Variants in ROR1 observed in about 807,000 individuals in gnomAD.
ROR1 encodes ROR family WNT receptor 1.
In ROR1, 19 loss-of-function variants were observed where a neutral mutation model predicts 78.8. The ratio of observed to expected loss-of-function variants is 0.24; its 90% CI spans 0.17 to 0.35. The LOEUF is 0.35. Among genes scored for constraint, ROR1 ranks in the 10% least tolerant of loss-of-function variants. The probability of loss-of-function intolerance (pLI) is 1.00; values close to 1 mark genes in which losing one functional copy is unlikely to be tolerated. For missense variants in ROR1, 917 were observed against 1,177.8 expected (o/e 0.78, Z 3.24); for synonymous variants, 386 against 433.6 (o/e 0.89, Z 1.36).
intron 7 of ROR1, among the ~76,000 whole-genome samples, chr1:64,154,507 A>G (rs889097894): frequency 2.6e-5 from 4 of 152,204 alleles, no homozygotes; most frequent in Non-Finnish European, 5.9e-5. Context: ...ACTCAAAGTA[A>G]TATCCCAGAT....
At chr1:63,882,845 A>T (rs1485713168) in intron 1 of ROR1, among the ~76,000 whole-genome samples, 1 of 152,064 alleles carries the variant, frequency 6.6e-6, no homozygotes, top group Non-Finnish European at 1.5e-5. Flanking sequence ...ATTAGCTGGC[A>T]TGAGTCCAGA....
intron 1 of ROR1, among the ~76,000 whole-genome samples, chr1:63,937,072 G>A (rs1483602685): frequency 6.6e-6 from 1 of 152,188 alleles, no homozygotes; most frequent in Non-Finnish European, 1.5e-5. Flanking sequence ...ATATCAATTA[G>A]GAGATGTCTG....
intron 1 of ROR1, among the ~76,000 whole-genome samples, chr1:63,829,784 A>C (rs965986660): frequency 6.6e-6 from 1 of 152,068 alleles, no homozygotes; most frequent in African/African-American, 2.4e-5. Context: ...GACAGTGTGG[A>C]GCCATGGAAG....
At chr1:64,084,858 G>T (rs1647138473) in intron 4 of ROR1, among the ~76,000 whole-genome samples, 1 of 152,214 alleles carries the variant, frequency 6.6e-6, no homozygotes, top group Non-Finnish European at 1.5e-5. Context: ...GGGCTGTGCA[G>T]GTGTGTGCTA....
intron 1 of ROR1, among the ~76,000 whole-genome samples, chr1:64,005,614 G>T (rs536002178): frequency 7.1e-4 from 108 of 152,268 alleles, no homozygotes; most frequent in Non-Finnish European, 1.4e-3. Flanking sequence ...TGAAGCCACT[G>T]GTGGCCATGG....
rs1214230059 is a variant in ROR1, at chr1:64,089,026, A to T, written c.482+38310A>T. 2.0e-5 allele frequency among the ~76,000 whole-genome samples: 3 copies of T among 151,864 alleles called. No individual in the cohort carries two copies. The East Asian group carries it at 5.8e-4, about 29-fold the overall frequency. ...ACTATACTTTAAATAATAAAAATATATTTTCATTGTTATTAAATATTATTA... is the reference window on the plus strand; with the variant it reads ...ACTATACTTTAAATAATAAAAATATTTTTTCATTGTTATTAAATATTATTA... On this transcript the variant is annotated intron_variant, in intron 4 of 8. Transcript: ENST00000371079.
chr1:64,148,900 A>G (rs944836256), intron 7 of ROR1, among the ~76,000 whole-genome samples: 1 of 152,198 alleles, frequency 6.6e-6, no homozygotes, highest in African/African-American at 2.4e-5. Flanking sequence ...TTATTTATTC[A>G]TTCACTCACA....
chr1:63,983,735 A>G (rs1646229409), intron 1 of ROR1, among the ~76,000 whole-genome samples: 1 of 152,134 alleles, frequency 6.6e-6, no homozygotes, highest in Admixed American at 6.6e-5. Flanking sequence ...ATTCTTTAAT[A>G]TTGCGGTTGA....
chr1:63,944,985 C>A (rs1232998671), intron 1 of ROR1, among the ~76,000 whole-genome samples: 1 of 152,094 alleles, frequency 6.6e-6, no homozygotes, highest in African/African-American at 2.4e-5. Flanking sequence ...TTTTGTCAGG[C>A]CCCACCCAGA....
intron 1 of ROR1, among the ~76,000 whole-genome samples, chr1:63,993,778 G>T (rs1382879075): frequency 6.6e-6 from 1 of 152,070 alleles, no homozygotes; most frequent in Non-Finnish European, 1.5e-5. Flanking sequence ...TGCTATTGCT[G>T]GACAAGTAGG....
At position 64,179,221 on chromosome 1, in the gene ROR1, C is replaced by T. The variant is rs1462958911; in HGVS notation, c.*366C>T. 1 of 199,558 alleles carries T rather than the reference C, an allele frequency of 5.0e-6. No individual in the cohort carries two copies. The highest frequency in any genetic ancestry group is 2.4e-5 in the African/African-American group (1 of 42,138). 12.4% of individuals were successfully genotyped at this position (199,558 alleles called of 1,614,324 possible). On this transcript the variant is annotated 3_prime_UTR_variant, in exon 9 of 9. Coordinates refer to ENST00000371079, the MANE Select transcript of ROR1 (RefSeq NM_005012.4). ...GGTGCTTTGTGTTTTAGCCTTCAGT[C>T]ACCATGACTGGTCTCTCCCCCAGAT...
chr1:64,108,880 G>A (rs186209654), intron 4 of ROR1, among the ~76,000 whole-genome samples: 2 of 152,270 alleles, frequency 1.3e-5, no homozygotes, highest in Non-Finnish European at 2.9e-5. Context: ...TCCCTTGGGG[G>A]ATTGTTAAAA....
Position 63,922,393 on chromosome 1 carries a change from G to A in ROR1, c.92-86912G>A, listed in dbSNP as rs78588406. Among the ~76,000 whole-genome samples, 1,475 of 152,226 alleles carry A rather than the reference G, an allele frequency of 9.7e-3. 8 individuals carry two copies. Among genetic ancestry groups the A allele is most frequent in the Non-Finnish European group, 0.014 (941 of 68,018 alleles). ...TTTTCAATTTAGTAGGTCAAAACAC[G>A]TGATTCTCTCCTTTTCATAAGACTA... is the stretch of plus-strand genomic sequence containing the variant. On this transcript the variant is annotated intron_variant, in intron 1 of 8. Transcript: ENST00000371079.
In ROR1 at chr1:64,137,419, G is replaced by A; in HGVS notation, c.533G>A (p.Cys178Tyr). ...TGTCAGCCATACAGAGGGATTGCAT[G>A]TGCAAGATTTATTGGCAACCGCACC... The part of the protein sequence containing the change: ...GFCQPYRGIA[C>Y]ARFIGNRTVY... The change falls in exon 5 of 9, where the codon TGT (cysteine) becomes TAT (tyrosine). Residue 178 changes from cysteine to tyrosine, a missense_variant. Cys to Tyr is a radical substitution (Grantham distance 194). Around this residue, in one of 3 missense-constraint regions of ROR1, gnomAD observed 835 missense variants for 1,069.8 expected, o/e 0.78. Transcript: ENST00000371079. 1.2e-6 allele frequency: 2 copies of A among 1,614,030 alleles called. No homozygotes were observed. The highest frequency in any genetic ancestry group is 1.7e-6 in the Non-Finnish European group (2 of 1,179,892).
chr1:63,814,073 C>A (rs1000971834), intron 1 of ROR1, among the ~76,000 whole-genome samples: 15 of 152,192 alleles, frequency 9.9e-5, no homozygotes, highest in Admixed American at 5.9e-4. Flanking sequence ...CAAATAGTTT[C>A]TGTGTACATT....
intron 1 of ROR1, among the ~76,000 whole-genome samples, chr1:63,972,876 T>C (rs1455417958): frequency 6.6e-6 from 1 of 152,252 alleles, no homozygotes; most frequent in African/African-American, 2.4e-5. Flanking sequence ...TTCTTTATAG[T>C]CAATGTTGCC....
intron 1 of ROR1, among the ~76,000 whole-genome samples, chr1:63,817,916 T>C (rs1386302444): frequency 3.9e-5 from 6 of 152,164 alleles, no homozygotes; most frequent in Admixed American, 3.9e-4. Context: ...CTGAAGCCCA[T>C]AGAGAAATGC....
At chr1:64,115,903 A>G (rs1197593899) in intron 4 of ROR1, among the ~76,000 whole-genome samples, 3 of 152,192 alleles carry the variant, frequency 2.0e-5, no homozygotes, top group Non-Finnish European at 2.9e-5. Context: ...TCATATTTAT[A>G]AAGTGCTTAA....
chr1:63,961,487 A>G (rs1646027076), intron 1 of ROR1, among the ~76,000 whole-genome samples: 2 of 152,256 alleles, frequency 1.3e-5, no homozygotes, highest in African/African-American at 2.4e-5. Context: ...CATATACACA[A>G]TGGAATATTA....
Sources: gnomAD v4.1 joint callset for allele counts (sites outside exome capture counted in the v4.1 genomes callset) on GRCh38, gnomAD v4.1.1 for gene constraint, gnomAD v4.1.1 regional missense constraint, MANE v1.5 for transcripts, NCBI Gene and HGNC (gene_info 2026-07-23, HGNC 2026-07-21) for gene names.